The following RASGRP3 variants were observed in gnomAD, a reference collection of about 807,000 sequenced individuals.
The protein encoded by RASGRP3 is ras guanyl-releasing protein 3.
Under a neutral mutation model 82.7 loss-of-function variants are expected in RASGRP3, and 54 were observed. The observed-to-expected ratio is 0.65, with a 90% CI of 0.52 to 0.82. The LOEUF (loss-of-function observed/expected upper bound fraction) is 0.82. Ranked by LOEUF, RASGRP3 falls within the 40% of genes least tolerant of loss-of-function variation. The pLI, the probability that RASGRP3 is intolerant of heterozygous loss-of-function variation, is 0.00. For synonymous variants in RASGRP3, 309 were observed against 300.5 expected (o/e 1.03, Z -0.29); for missense variants, 861 against 828.9 (o/e 1.04, Z -0.48).
At chr2:33,543,055 C>T (rs982703587) in intron 12 of RASGRP3, among the ~76,000 whole-genome samples, 2 of 151,996 alleles carry the variant, frequency 1.3e-5, no homozygotes, top group Admixed American at 6.6e-5. Context: ...ACTCGTTTGC[C>T]CAGGCTACAG....
intron 7 of RASGRP3, 67 bp from the exon 8 acceptor site, chr2:33,523,812 A>G (rs953721004): frequency 1.4e-6 from 2 of 1,389,044 alleles, no homozygotes; most frequent in South Asian, 1.5e-5. Flanking sequence ...TTTCTATGCA[A>G]TATTCTAATT....
chr2:33,519,816 A>G (rs929635672), intron 4 of RASGRP3, 136 bp from the exon 5 acceptor site: 1 of 599,028 alleles, frequency 1.7e-6, no homozygotes, highest in Non-Finnish European at 3.0e-6. Flanking sequence ...ATCAGAGGCC[A>G]CTTCTCTCCG....
chr2:33,475,352 T>C (rs542088202), upstream of RASGRP3, among the ~76,000 whole-genome samples: 1 of 152,348 alleles, frequency 6.6e-6, no homozygotes, highest in South Asian at 2.1e-4. Context: ...CTGTATCCTC[T>C]ATATGGAGGG....
chr2:33,543,475 T>C (rs2151078046), intron 12 of RASGRP3, 37 bp from the exon 13 acceptor site: 1 of 1,346,564 alleles, frequency 7.4e-7, no homozygotes, highest in Non-Finnish European at 1.0e-6. Context: ...GAGCCTGCCT[T>C]ATAGTCATTC....
At chr2:33,489,914 G>C (rs868657548) in intron 1 of RASGRP3, among the ~76,000 whole-genome samples, 1 of 152,220 alleles carries the variant, frequency 6.6e-6, no homozygotes, top group Non-Finnish European at 1.5e-5. Context: ...GACTTGGGAA[G>C]TTCATTTCTC....
upstream of RASGRP3, chr2:33,476,192 G>A (rs1667351658): frequency 6.6e-6 from 1 of 152,190 alleles, no homozygotes; most frequent in Non-Finnish European, 1.5e-5. Flanking sequence ...GAGATTCTGA[G>A]AAAACGAAAC....
chr2:33,458,562 G>C (rs1666171192), intron 2 of RASGRP3, among the ~76,000 whole-genome samples: 1 of 152,192 alleles, frequency 6.6e-6, no homozygotes, highest in Admixed American at 6.5e-5. Flanking sequence ...TTCCATACCA[G>C]GAGGAGTATA....
chr2:33,518,903 C>T (rs994926339), intron 4 of RASGRP3, among the ~76,000 whole-genome samples: 2 of 152,126 alleles, frequency 1.3e-5, no homozygotes, highest in African/African-American at 4.8e-5. Context: ...ATAACAATCC[C>T]TTCTTCTGGA....
At chr2:33,541,525 T>C (rs1228047493) in intron 12 of RASGRP3, among the ~76,000 whole-genome samples, 3 of 147,148 alleles carry the variant, frequency 2.0e-5, no homozygotes, top group Non-Finnish European at 1.5e-5. Flanking sequence ...GATACAAGAG[T>C]ACCTGTTGTC....
intron 2 of RASGRP3, among the ~76,000 whole-genome samples, chr2:33,468,278 G>A: frequency 6.6e-6 from 1 of 152,106 alleles, no homozygotes. Context: ...GATATATAAT[G>A]TTTCAGATTT....
chr2:33,478,993 A>G (rs1047426171), intron 1 of RASGRP3, among the ~76,000 whole-genome samples: 2 of 152,232 alleles, frequency 1.3e-5, no homozygotes, highest in African/African-American at 4.8e-5. Context: ...GGACACCCTT[A>G]GTTACTTGAC....
intron 11 of RASGRP3, among the ~76,000 whole-genome samples, chr2:33,538,221 G>A (rs976731615): frequency 2.0e-5 from 3 of 152,192 alleles, no homozygotes; most frequent in Non-Finnish European, 4.4e-5. Flanking sequence ...ATGGAATTTA[G>A]TCTGGATGTG....
At chr2:33,488,472 A>C (rs1035278352) in intron 1 of RASGRP3, among the ~76,000 whole-genome samples, 2 of 152,232 alleles carry the variant, frequency 1.3e-5, no homozygotes, top group African/African-American at 2.4e-5. Context: ...TCAAGGCTCA[A>C]TGGGACCAAG....
intron 13 of RASGRP3, 134 bp from the exon 14 acceptor site, chr2:33,549,470 A>G: frequency 1.2e-6 from 1 of 829,814 alleles, no homozygotes; most frequent in Non-Finnish European, 1.9e-6. Flanking sequence ...TCCTTCTCTG[A>G]GATGTAATAG....
chr2:33,473,212 T>G (rs189422454), upstream of RASGRP3, among the ~76,000 whole-genome samples: 172 of 151,974 alleles, frequency 1.1e-3, 1 homozygote, highest in African/African-American at 3.6e-3. Flanking sequence ...AAAATACATG[T>G]CTCTACTAAA....
At chr2:33,557,554 C>G (rs1257511594) in intron 15 of RASGRP3, among the ~76,000 whole-genome samples, 1 of 151,918 alleles carries the variant, frequency 6.6e-6, no homozygotes, top group East Asian at 1.9e-4. Flanking sequence ...CTAAAAAATA[C>G]AAAAAATTAG....
chr2:33,483,759 GAT>G (rs1668136196), intron 1 of RASGRP3, among the ~76,000 whole-genome samples: 1 of 152,158 alleles, frequency 6.6e-6, no homozygotes, highest in South Asian at 2.1e-4. Context: ...AAAGTGCTGG[GAT>G]TACAGGTGTG....
chr2:33,467,980 TTTTC>T (rs60989460), intron 2 of RASGRP3, among the ~76,000 whole-genome samples: 12,450 of 115,358 alleles, frequency 0.11, 721 homozygotes, highest in Middle Eastern at 0.14. Flanking sequence ...TGGTGAGGCT[TTTTC>T]TTTCTTTCTT....
chr2:33,443,196 C>T (rs532923436), intron 1 of RASGRP3, among the ~76,000 whole-genome samples: 2 of 151,840 alleles, frequency 1.3e-5, no homozygotes, highest in African/African-American at 4.8e-5. Flanking sequence ...TTAAATTGTC[C>T]CTAGTCTTCA....
Sources: gnomAD v4.1 joint callset for allele counts (sites outside exome capture counted in the v4.1 genomes callset) on GRCh38, gnomAD v4.1.1 for gene constraint, MANE v1.5 for transcripts, NCBI Gene and HGNC (gene_info 2026-07-23, HGNC 2026-07-21) for gene names.